CHLSN: variants seen among roughly 807,000 people sequenced by gnomAD.
CHLSN encodes the protein cholesin.
At chr7:1,073,545 T>G in the CHLSN span, among the ~76,000 whole-genome samples, 1 of 152,106 alleles carries the variant, frequency 6.6e-6, no homozygotes, top group East Asian at 1.9e-4. Context: ...TTTACTGTGG[T>G]TTCCTTCCCC....
chr7:1,046,719 G>A, the CHLSN span, among the ~76,000 whole-genome samples: 3 of 152,076 alleles, frequency 2.0e-5, no homozygotes, highest in African/African-American at 7.2e-5. Flanking sequence ...AGGTGGAGGT[G>A]GGGCAGGTGT....
chr7:993,633 C>T, the CHLSN span, among the ~76,000 whole-genome samples: 7 of 152,224 alleles, frequency 4.6e-5, no homozygotes, highest in Non-Finnish European at 5.9e-5. Context: ...AACAATTAGC[C>T]GGGTGTAGTG....
the CHLSN span, among the ~76,000 whole-genome samples, chr7:993,182 G>A: frequency 3.9e-5 from 6 of 152,186 alleles, no homozygotes; most frequent in South Asian, 2.1e-4. Flanking sequence ...CCCAGTGGGC[G>A]GGGGGTGGCC....
chr7:1,008,024 C>T, the CHLSN span, among the ~76,000 whole-genome samples: 1 of 152,180 alleles, frequency 6.6e-6, no homozygotes, highest in Admixed American at 6.5e-5. Flanking sequence ...GCGGAAGGTG[C>T]TGGCAGGCCT....
the CHLSN span, among the ~76,000 whole-genome samples, chr7:1,065,048 G>A: frequency 6.6e-6 from 1 of 152,132 alleles, no homozygotes; most frequent in Non-Finnish European, 1.5e-5. Context: ...GGGGCACGAA[G>A]ATTCTTCCCA....
At chr7:1,044,148 C>CA in the CHLSN span, among the ~76,000 whole-genome samples, 4 of 152,210 alleles carry the variant, frequency 2.6e-5, no homozygotes, top group Non-Finnish European at 1.5e-5. Context: ...GAAAGAGGGG[C>CA]AGGTGTACCT....
the CHLSN span, among the ~76,000 whole-genome samples, chr7:1,029,562 T>C: frequency 6.6e-6 from 1 of 152,234 alleles, no homozygotes; most frequent in Non-Finnish European, 1.5e-5. Context: ...CCACGGTGCC[T>C]GCCTTGCAGA....
the CHLSN span, chr7:997,843 A>G: frequency 9.0e-7 from 1 of 1,106,540 alleles, no homozygotes; most frequent in Non-Finnish European, 1.4e-6. Flanking sequence ...GGGGCGGGGC[A>G]GGGAGGGGCC....
the CHLSN span, among the ~76,000 whole-genome samples, chr7:980,958 G>A: frequency 1.4e-4 from 21 of 152,126 alleles, no homozygotes; most frequent in African/African-American, 5.1e-4. Flanking sequence ...CTCCCAAAGT[G>A]CTGGGATTAC....
chr7:987,127 G>A, the CHLSN span: 6 of 1,566,042 alleles, frequency 3.8e-6, no homozygotes, highest in East Asian at 1.4e-4. Flanking sequence ...CCGAGGGCCT[G>A]TTTGCTGAGG....
chr7:1,065,206 C>CT, the CHLSN span, among the ~76,000 whole-genome samples: 2 of 152,212 alleles, frequency 1.3e-5, no homozygotes, highest in Non-Finnish European at 2.9e-5. Context: ...CTGGCATACA[C>CT]TAAGTGTGCA....
chr7:997,799 G>A, the CHLSN span: 1,638 of 1,604,062 alleles, frequency 1.0e-3, 1 homozygote, highest in Non-Finnish European at 1.2e-3. Context: ...AGTGCTCATC[G>A]GGAACCTGGA....
At chr7:1,017,133 G>A in the CHLSN span, among the ~76,000 whole-genome samples, 3 of 152,256 alleles carry the variant, frequency 2.0e-5, no homozygotes, top group Non-Finnish European at 2.9e-5. Flanking sequence ...CGGGCCCAGA[G>A]CACCTCAGGC....
the CHLSN span, chr7:1,059,396 AT>A: frequency 6.6e-6 from 1 of 152,488 alleles, no homozygotes; most frequent in African/African-American, 2.4e-5. Context: ...TGGGACCAGC[AT>A]CCGTATCTCC....
At chr7:1,091,445 C>T in the CHLSN span, 11 of 440,478 alleles carry the variant, frequency 2.5e-5, no homozygotes, top group African/African-American at 1.2e-4. Context: ...GGACTGTGCA[C>T]GGTGGCCGAC....
chr7:1,022,460 C>CT, the CHLSN span, among the ~76,000 whole-genome samples: 3 of 152,262 alleles, frequency 2.0e-5, no homozygotes, highest in African/African-American at 7.2e-5. Flanking sequence ...TAGTAAACTG[C>CT]TTTTTCTGAG....
the CHLSN span, chr7:1,058,494 G>C: frequency 3.8e-6 from 3 of 779,812 alleles, no homozygotes; most frequent in East Asian, 2.4e-5. Flanking sequence ...GGACCACATG[G>C]GGGTGCAGCA....
At chr7:1,020,479 GC>G in the CHLSN span, among the ~76,000 whole-genome samples, 1 of 152,110 alleles carries the variant, frequency 6.6e-6, no homozygotes, top group African/African-American at 2.4e-5. Flanking sequence ...GCCCCTCGGC[GC>G]CCCCACCTGG....
chr7:1,111,720 T>C, the CHLSN span, among the ~76,000 whole-genome samples: 1 of 152,102 alleles, frequency 6.6e-6, no homozygotes, highest in African/African-American at 2.4e-5. Context: ...GAGGATCACT[T>C]GAGCCAGGGA....
Sources: gnomAD v4.1 joint callset for allele counts (sites outside exome capture counted in the v4.1 genomes callset) on GRCh38, gnomAD v4.1.1 for gene constraint, MANE v1.5 for transcripts, NCBI Gene and HGNC (gene_info 2026-07-23, HGNC 2026-07-21) for gene names.